TTBK2: variants seen among roughly 807,000 people sequenced by gnomAD.
TTBK2 encodes tau-tubulin kinase 2.
In TTBK2, 28 loss-of-function variants were observed where a neutral mutation model predicts 110.8. That is an observed-to-expected ratio of 0.25 (90% confidence interval 0.19 to 0.35). The LOEUF (loss-of-function observed/expected upper bound fraction) is 0.35, where lower values mean the gene tolerates loss of function less well. Ranked by LOEUF, TTBK2 falls within the 10% of genes least tolerant of loss-of-function variation. The pLI, the probability that TTBK2 is intolerant of heterozygous loss-of-function variation, is 1.00. For synonymous variants in TTBK2, 532 were observed against 527.3 expected (o/e 1.01, Z -0.12); for missense variants, 1,369 against 1,500.3 (o/e 0.91, Z 1.45).
In TTBK2 at chr15:42,854,233, C is replaced by T. The variant is rs1051283448; in HGVS notation, c.218-13800G>A. ...GGATTAGAGGCATGAGTTACTGCAC[C>T]TGGCCTACAGAATACTTTTAAAAGA... On this transcript the variant is annotated intron_variant, in intron 3 of 14. Transcript: ENST00000267890. Among the ~76,000 whole-genome samples, 120 of 152,222 alleles carry T rather than the reference C, an allele frequency of 7.9e-4. 1 individual carries two copies. The highest frequency in any genetic ancestry group is 2.4e-3 in the African/African-American group (100 of 41,444).
intron 6 of TTBK2, among the ~76,000 whole-genome samples, chr15:42,820,195 T>C (rs1190194502): frequency 6.6e-6 from 1 of 152,214 alleles, no homozygotes; most frequent in African/African-American, 2.4e-5. Flanking sequence ...TAATGTCAGA[T>C]CAAGGAAATT....
intron 6 of TTBK2, among the ~76,000 whole-genome samples, chr15:42,818,725 A>C (rs1567042312): frequency 6.6e-6 from 1 of 150,486 alleles, no homozygotes; most frequent in African/African-American, 2.5e-5. Context: ...GTCTCAAAAA[A>C]CAAACAAACA....
At chr15:42,877,032 CTG>C (rs1411271691) in intron 2 of TTBK2, among the ~76,000 whole-genome samples, 2 of 152,102 alleles carry the variant, frequency 1.3e-5, no homozygotes, top group Non-Finnish European at 2.9e-5. Context: ...GTTTTGAAAA[CTG>C]GTAAATTAAA....
At chr15:42,775,797 G>C (rs1055552830) in intron 12 of TTBK2, 74 bp from the exon 13 acceptor site, 1 of 1,180,536 alleles carries the variant, frequency 8.5e-7, no homozygotes, top group Non-Finnish European at 1.2e-6. Flanking sequence ...GCTCCATAAA[G>C]AACTAATATG....
At chr15:42,904,221 T>G (rs550720921) in intron 1 of TTBK2, among the ~76,000 whole-genome samples, 25 of 152,354 alleles carry the variant, frequency 1.6e-4, no homozygotes, top group African/African-American at 6.0e-4. Flanking sequence ...AAGTTTTGAA[T>G]AATTTGTTAT....
chr15:42,752,958 T>G lies in TTBK2; in HGVS notation c.2288A>C (p.Asn763Thr), dbSNP rs1252195871. Residue 763 changes from asparagine (N) to threonine (T), a missense_variant, in exon 14 of 15, where the codon AAT becomes ACT. Transcript: ENST00000267890. ...TTCAAATTCTCTCACAACCAGTCTA[T>G]TATGATCAGGAAGTTCTTTTGGTCC... ...DLGPKELPDH[N>T]RLVVREFENL... 4.3e-6 allele frequency: 7 copies of G among 1,614,098 alleles called. No homozygotes were observed. The highest frequency in any genetic ancestry group is 2.2e-5 in the East Asian group (1 of 44,896).
chr15:42,807,872 C>T (rs897807042), intron 9 of TTBK2, among the ~76,000 whole-genome samples: 2 of 152,040 alleles, frequency 1.3e-5, no homozygotes, highest in Non-Finnish European at 2.9e-5. Context: ...ATTATTTATG[C>T]ACTTATAGGG....
intron 1 of TTBK2, among the ~76,000 whole-genome samples, chr15:42,912,900 T>C (rs1478816247): frequency 7.0e-6 from 1 of 143,482 alleles, no homozygotes; most frequent in East Asian, 2.1e-4. Context: ...CCGAGGCAGG[T>C]GGATCATGAG....
At chr15:42,836,938 C>G in intron 4 of TTBK2, among the ~76,000 whole-genome samples, 1 of 152,142 alleles carries the variant, frequency 6.6e-6, no homozygotes, top group East Asian at 1.9e-4. Context: ...TTGTTCTCTC[C>G]TCCCCATGGG....
chr15:42,840,528 T>A, intron 3 of TTBK2, 95 bp from the exon 4 acceptor site: 1 of 1,086,548 alleles, frequency 9.2e-7, no homozygotes, highest in Non-Finnish European at 1.4e-6. Flanking sequence ...TATGATTGAA[T>A]ATAAAATACA....
rs568715778 is a variant in TTBK2, at chr15:42,791,677, T to G, written c.980+2967A>C. On this transcript the variant is annotated intron_variant, in intron 10 of 14. Transcript: ENST00000267890. ...CCAATAAGGTCTGAACCTCAGCCCT[T>G]GGGCAGGGGTGGGTCAGTTCTTGCT... Among the ~76,000 whole-genome samples the G allele has an allele frequency of 1.2e-4, 19 of 152,336 alleles. 1 individual carries two copies. The South Asian group carries it at 3.9e-3, about 32-fold the overall frequency.
chr15:42,763,157 C>CATATATATATATATATATACATAT (rs1567008796), intron 13 of TTBK2, among the ~76,000 whole-genome samples: 4 of 20,462 alleles, frequency 2.0e-4, no homozygotes, highest in Non-Finnish European at 3.1e-4. Flanking sequence ...TATATATATA[C>CATATATATATATATATATACATAT]ATATATATAT....
At position 42,858,565 on chromosome 15, in the gene TTBK2, C is replaced by T. The variant is rs946091115; in HGVS notation, c.217+14046G>A. Among the ~76,000 whole-genome samples the T allele has an allele frequency of 8.5e-5, 13 of 152,168 alleles. No homozygotes were observed. The South Asian group carries it at 2.7e-3, about 32-fold the overall frequency. On this transcript the variant is annotated intron_variant, in intron 3 of 14. Coordinates refer to ENST00000267890, the MANE Select transcript of TTBK2 (RefSeq NM_173500.4). ...AGAGTAAGGGACTTCATTTCCAGTT[C>T]CACAAGTGAGGAACATGGAAGCTGC...
At chr15:42,762,835 T>C (rs1373223623) in intron 13 of TTBK2, among the ~76,000 whole-genome samples, 3 of 151,948 alleles carry the variant, frequency 2.0e-5, no homozygotes. Flanking sequence ...CACTGGAGGC[T>C]GTTATGTTAA....
intron 3 of TTBK2, among the ~76,000 whole-genome samples, chr15:42,859,257 C>G (rs1345121763): frequency 6.6e-6 from 1 of 152,050 alleles, no homozygotes; most frequent in Non-Finnish European, 1.5e-5. Flanking sequence ...CAGGTGCACA[C>G]CACCATGTCC....
Position 42,775,230 on chromosome 15 carries a change from C to T in TTBK2, c.1903G>A (p.Asp635Asn), listed in dbSNP as rs528648733. The change falls in exon 13 of 15, where the codon GAT (aspartate) becomes AAT (asparagine). Residue 635 changes from aspartate to asparagine, a missense_variant. Asp to Asn is a conservative substitution (Grantham distance 23, BLOSUM62 1). This residue lies in a region of TTBK2 where 1,097 missense variants were observed against 1,114.7 expected (regional missense o/e 0.98). Coordinates refer to ENST00000267890, the MANE Select transcript of TTBK2 (RefSeq NM_173500.4). ...GCTCCAGGCTGGAGTTCCAGCCTAT[C>T]TGTATATTGTTCTGAAGCAGCAGTA... is the stretch of plus-strand genomic sequence containing the variant. ...PPTAASEQYT[D>N]RLELQPGAAS... 2.5e-5 allele frequency: 40 copies of T among 1,614,232 alleles called. No individual in the cohort carries two copies. The East Asian group carries it at 8.0e-4, about 32-fold the overall frequency.
In TTBK2 at chr15:42,763,155, TAC is replaced by T. The variant is rs1555421152; in HGVS notation, c.1999-9910_1999-9909del. Among the ~76,000 whole-genome samples, 61 of 48,922 alleles carry T rather than the reference TAC, an allele frequency of 1.2e-3. 1 individual carries two copies. Among genetic ancestry groups the T allele is most frequent in the African/African-American group, 5.4e-3 (36 of 6,652 alleles). The allele number at this position is 48,922 out of a possible 152,430, so 32.1% of individuals were successfully genotyped here. A position where few individuals can be genotyped will look rare whatever the true frequency, so the allele number is the denominator to read the frequency against. ...ACATATATACATACATATATATATA[TAC>T]ATATATATATATATATATATATATA... On this transcript the variant is annotated intron_variant, in intron 13 of 14. Transcript: ENST00000267890.
chr15:42,909,269 T>C (rs963311608), intron 1 of TTBK2, among the ~76,000 whole-genome samples: 1 of 152,226 alleles, frequency 6.6e-6, no homozygotes, highest in Non-Finnish European at 1.5e-5. Context: ...GCCTTCCAAA[T>C]AGCTGGGAAT....
chr15:42,891,879 T>C (rs1330121640), intron 1 of TTBK2, among the ~76,000 whole-genome samples: 4 of 152,198 alleles, frequency 2.6e-5, no homozygotes, highest in Admixed American at 2.0e-4. Flanking sequence ...GACTGAGCCC[T>C]GTAACCTGTG....
Sources: allele counts gnomAD v4.1 joint callset (sites outside exome capture counted in the v4.1 genomes callset), GRCh38; gene constraint gnomAD v4.1.1; regional missense constraint gnomAD v4.1.1; transcripts MANE v1.5; gene names NCBI Gene and HGNC (gene_info 2026-07-23, HGNC 2026-07-21).